The following KCNQ1 variants were observed in gnomAD, a reference collection of about 807,000 sequenced individuals.
KCNQ1 encodes the protein potassium voltage-gated channel subfamily KQT member 1.
Under a neutral mutation model 72.4 loss-of-function variants are expected in KCNQ1, and 49 were observed. The ratio of observed to expected loss-of-function variants is 0.68; its 90% CI spans 0.54 to 0.86. The LOEUF (loss-of-function observed/expected upper bound fraction) is 0.86, where lower values mean the gene tolerates loss of function less well. KCNQ1 is among the 40% of genes least tolerant of loss of function. KCNQ1 has a pLI of 0.00. For synonymous variants in KCNQ1, 450 were observed against 412.6 expected (o/e 1.09, Z -1.10); for missense variants, 790 against 945.1 (o/e 0.84, Z 2.15).
In KCNQ1 at chr11:2,494,011, C is replaced by G. The variant is rs1422548530; in HGVS notation, c.387-33917C>G. 6.6e-6 allele frequency among the ~76,000 whole-genome samples: 1 copy of G among 151,972 alleles called. No homozygotes were observed. Among genetic ancestry groups the G allele is most frequent in the Non-Finnish European group, 1.5e-5 (1 of 67,998 alleles). On this transcript the variant is annotated intron_variant, in intron 1 of 15. Coordinates refer to ENST00000155840, the MANE Select transcript of KCNQ1 (RefSeq NM_000218.3). This position sits in a 1 kb window ranked among gnomAD's most constrained non-coding sequence, Gnocchi z 4.6. ...AATTTTTTTTCCATTTGTTTGTGTC[C>G]TTTCCTTTCCTTCAGCAGTGGTTTG...
At chr11:2,846,456 C>T (rs1418497830) in intron 15 of KCNQ1, among the ~76,000 whole-genome samples, 1 of 152,204 alleles carries the variant, frequency 6.6e-6, no homozygotes, top group Non-Finnish European at 1.5e-5. Flanking sequence ...CCTGCAAGAA[C>T]ACCGCAGGCT....
chr11:2,806,192 T>G (rs545606372), intron 15 of KCNQ1, among the ~76,000 whole-genome samples: 1 of 152,314 alleles, frequency 6.6e-6, no homozygotes, highest in African/African-American at 2.4e-5. Flanking sequence ...TAGAGATATG[T>G]TTTTGAAACA....
At chr11:2,844,131 G>C (rs529071174) in intron 15 of KCNQ1, among the ~76,000 whole-genome samples, 1 of 152,216 alleles carries the variant, frequency 6.6e-6, no homozygotes, top group Non-Finnish European at 1.5e-5. Flanking sequence ...ACGTGCCAGC[G>C]AGATGAAGGC....
At chr11:2,586,495 C>A (rs1349436286) in intron 8 of KCNQ1, among the ~76,000 whole-genome samples, 5 of 152,198 alleles carry the variant, frequency 3.3e-5, no homozygotes, top group Non-Finnish European at 1.5e-5. Context: ...GTCCCACTCC[C>A]TGGGAACCAC....
chr11:2,607,939 TC>T (rs1218895405), intron 10 of KCNQ1, among the ~76,000 whole-genome samples: 4 of 152,332 alleles, frequency 2.6e-5, no homozygotes, highest in African/African-American at 9.6e-5. Context: ...TCAATAGTAT[TC>T]CTATACACTG....
At chr11:2,580,884 G>A (rs1283963405) in intron 6 of KCNQ1, among the ~76,000 whole-genome samples, 3 of 152,230 alleles carry the variant, frequency 2.0e-5, no homozygotes, top group African/African-American at 4.8e-5. Flanking sequence ...CGGGCTGCAC[G>A]TGCCAGCCAG....
In KCNQ1 at chr11:2,733,774, C is replaced by CCACACACACACACACACACACA. The variant is rs144399150; in HGVS notation, c.1515-35050_1515-35029dup. Reference sequence around the variant, plus strand: ...GGGCAGGAGGGGGACTTCAGGCCTTCCACACACACACACACACACACACAC... The same window carrying CCACACACACACACACACACACA: ...GGGCAGGAGGGGGACTTCAGGCCTTCCACACACACACACACACACACACACACACACACACACACACACACAC... On this transcript the variant is annotated intron_variant, in intron 11 of 15. Coordinates refer to ENST00000155840, the MANE Select transcript of KCNQ1 (RefSeq NM_000218.3). 2.9e-3 allele frequency among the ~76,000 whole-genome samples: 167 copies of CCACACACACACACACACACACA among 57,480 alleles called. 1 individual carries two copies. The highest frequency in any genetic ancestry group is 3.3e-3 in the Non-Finnish European group (96 of 28,934). 37.7% of individuals were successfully genotyped at this position (57,480 alleles called of 152,430 possible).
intron 15 of KCNQ1, among the ~76,000 whole-genome samples, chr11:2,844,111 A>G (rs561879815): frequency 7.2e-5 from 11 of 152,272 alleles, no homozygotes; most frequent in African/African-American, 2.4e-4. Flanking sequence ...CCATCGCCAA[A>G]AAAAACCAAA....
chr11:2,822,588 G>A (rs1473679902), intron 15 of KCNQ1, among the ~76,000 whole-genome samples: 1 of 152,222 alleles, frequency 6.6e-6, no homozygotes, highest in East Asian at 1.9e-4. Flanking sequence ...CCAAAGGATG[G>A]GTGGAAATTA....
chr11:2,563,729 C>A lies in KCNQ1; in HGVS notation c.478-6899C>A, dbSNP rs181204748. ...AAGTCTTGTCAGCGTTCCGATGAAA[C>A]AAGATTAGGGGAATTTTACAGCTTG... On this transcript the variant is annotated intron_variant, in intron 2 of 15. Transcript: ENST00000155840. This position sits in a 1 kb window ranked among gnomAD's most constrained non-coding sequence, Gnocchi z 7.4. Among the ~76,000 whole-genome samples the A allele has an allele frequency of 1.6e-4, 25 of 152,328 alleles. No homozygotes were observed. Among genetic ancestry groups the A allele is most frequent in the Middle Eastern group, 6.8e-3 (2 of 294 alleles).
At position 2,676,488 on chromosome 11, in the gene KCNQ1, G is replaced by C. The variant is rs1414799104; in HGVS notation, c.1514+14407G>C. On this transcript the variant is annotated intron_variant, in intron 11 of 15. Coordinates refer to ENST00000155840, the MANE Select transcript of KCNQ1 (RefSeq NM_000218.3). The surrounding 1 kb of genome is among the most constrained non-coding windows in gnomAD (Gnocchi z 4.2). ...GTTAGCTGTAGTCTTTCTGGCATCA[G>C]TTCCATTTCTGGTGAACACTTGGAC... The C allele has an allele frequency of 2.5e-6, 1 of 398,584 alleles. No homozygotes were observed. Among genetic ancestry groups the C allele is most frequent in the Non-Finnish European group, 4.4e-6 (1 of 226,108 alleles). 24.7% of individuals were successfully genotyped at this position (398,584 alleles called of 1,614,324 possible).
rs1848831681 is a variant in KCNQ1 at position 2,603,199 on chromosome 11, T to C, written c.1393+14345T>C. ...AAATTTTTTGGTTTGCCACTGCATA[T>C]AAAAGTTATGTTTATATTGTAGTCT... On this transcript the variant is annotated intron_variant, in intron 10 of 15. Transcript: ENST00000155840. The surrounding 1 kb of genome is among the most constrained non-coding windows in gnomAD (Gnocchi z 4.1). Among the ~76,000 whole-genome samples, 1 of 152,240 alleles carries C rather than the reference T, an allele frequency of 6.6e-6. No individual in the cohort carries two copies. Among genetic ancestry groups the C allele is most frequent in the South Asian group, 2.1e-4 (1 of 4,832 alleles).
chr11:2,531,160 G>A (rs761033664), intron 2 of KCNQ1, among the ~76,000 whole-genome samples: 6 of 151,758 alleles, frequency 4.0e-5, no homozygotes, highest in Non-Finnish European at 8.8e-5. Flanking sequence ...GGACCTGCAG[G>A]GACCTTCAGA....
chr11:2,593,807 G>T lies in KCNQ1; in HGVS notation c.1393+4953G>T, dbSNP rs938704728. ...CAACACACCAAGCCTGGCCTTTCAT[G>T]CACTCCTCCATTCAAAGCCGTGTGT... On this transcript the variant is annotated intron_variant, in intron 10 of 15. Transcript: ENST00000155840. The surrounding 1 kb of genome is among the most constrained non-coding windows in gnomAD (Gnocchi z 6.9). 2.6e-5 allele frequency among the ~76,000 whole-genome samples: 4 copies of T among 152,148 alleles called. No individual in the cohort carries two copies. Among genetic ancestry groups the T allele is most frequent in the Non-Finnish European group, 4.4e-5 (3 of 68,036 alleles).
chr11:2,586,653 T>A (rs368443023), intron 8 of KCNQ1, among the ~76,000 whole-genome samples: 25 of 152,258 alleles, frequency 1.6e-4, no homozygotes, highest in African/African-American at 6.0e-4. Flanking sequence ...TCAGCCTGTG[T>A]GTGTAACACT....
At chr11:2,455,630 C>T (rs1442579617) in intron 1 of KCNQ1, among the ~76,000 whole-genome samples, 1 of 152,150 alleles carries the variant, frequency 6.6e-6, no homozygotes, top group Non-Finnish European at 1.5e-5. Context: ...TTAAAATGGC[C>T]ATACGGCCCA....
intron 1 of KCNQ1, among the ~76,000 whole-genome samples, chr11:2,480,063 T>G (rs1846629436): frequency 6.6e-6 from 1 of 152,200 alleles, no homozygotes; most frequent in Non-Finnish European, 1.5e-5. Flanking sequence ...TGAGACCACC[T>G]CAGCCTGGAT....
intron 10 of KCNQ1, chr11:2,648,242 G>T (rs1027110396): frequency 5.0e-6 from 2 of 398,522 alleles, no homozygotes; most frequent in Non-Finnish European, 8.8e-6. Context: ...TTGATCTTTT[G>T]TCTTTTTTAC....
At chr11:2,575,059 G>T (rs1022358335) in intron 6 of KCNQ1, among the ~76,000 whole-genome samples, 7 of 152,324 alleles carry the variant, frequency 4.6e-5, no homozygotes, top group African/African-American at 1.4e-4. Context: ...AAAGCCAGTG[G>T]GTACTGGCCC....
Sources: allele counts gnomAD v4.1 joint callset (sites outside exome capture counted in the v4.1 genomes callset), GRCh38; gene constraint gnomAD v4.1.1; non-coding constraint Gnocchi (gnomAD v3.1); transcripts MANE v1.5; gene names NCBI Gene and HGNC (gene_info 2026-07-23, HGNC 2026-07-21).